MICAL3: variants seen among roughly 807,000 people sequenced by gnomAD.
MICAL3 encodes microtubule associated monooxygenase, calponin and LIM domain containing 3.
MICAL3 carries 62 observed loss-of-function variants against 207.4 expected under a neutral mutation model. The observed-to-expected ratio is 0.30, with a 90% CI of 0.24 to 0.37. The LOEUF is 0.37. MICAL3 is among the 10% of genes least tolerant of loss of function. MICAL3 has a pLI of 1.00. For missense variants in MICAL3, 2,368 were observed against 2,635.6 expected (o/e 0.90, Z 2.22); for synonymous variants, 1,077 against 1,069.3 (o/e 1.01, Z -0.14).
chr22:17,868,197 GAGA>G (rs1373844535), intron 17 of MICAL3, among the ~76,000 whole-genome samples: 3 of 152,078 alleles, frequency 2.0e-5, no homozygotes, highest in African/African-American at 7.2e-5. Flanking sequence ...TCCTCCCATG[GAGA>G]AGAACACAGT....
At chr22:17,890,852 C>T (rs9605425) in intron 12 of MICAL3, among the ~76,000 whole-genome samples, 9,330 of 152,204 alleles carry the variant, frequency 0.061, 380 homozygotes, top group African/African-American at 0.12. Context: ...TGCTGGTCCC[C>T]GCAGCTGACC....
chr22:17,818,715 C>T lies in MICAL3; in HGVS notation c.3946G>A (p.Glu1316Lys), dbSNP rs1382957373. Residue 1316 changes from glutamate to lysine, a missense_variant, in exon 26 of 32, where the codon GAG becomes AAG. Transcript: ENST00000441493. ...DRLGSPLAVD[E>K]ALRRSDLVEE... ...ACCAGGTCGCTCCGTCTGAGGGCCT[C>T]ATCCACAGCAAGGGGGCTGCCCAGT... 2.5e-6 allele frequency: 4 copies of T among 1,613,240 alleles called. No individual in the cohort carries two copies. The highest frequency in any genetic ancestry group is 3.4e-6 in the Non-Finnish European group (4 of 1,179,490).
At chr22:18,006,998 A>G (rs1923429340) in intron 1 of MICAL3, among the ~76,000 whole-genome samples, 1 of 152,126 alleles carries the variant, frequency 6.6e-6, no homozygotes, top group South Asian at 2.1e-4. Context: ...CTGAGATTAC[A>G]GGCACCCGCC....
chr22:17,877,133 T>TATGGAGGTTAGGGAAGTTATGGAGGTG (rs1928672179), intron 16 of MICAL3, among the ~76,000 whole-genome samples: 1 of 26,490 alleles, frequency 3.8e-5, no homozygotes, highest in Non-Finnish European at 9.9e-5. Context: ...TTATGGAGGT[T>TATGGAGGTTAGGGAAGTTATGGAGGTG]AGGGAGGTTA....
intron 16 of MICAL3, among the ~76,000 whole-genome samples, chr22:17,878,724 G>T (rs1929129376): frequency 6.6e-6 from 1 of 152,148 alleles, no homozygotes; most frequent in South Asian, 2.1e-4. Flanking sequence ...TTCTTTAACT[G>T]GGCATCTCGG....
At chr22:18,007,991 A>C (rs144095432) in intron 1 of MICAL3, among the ~76,000 whole-genome samples, 42 of 150,170 alleles carry the variant, frequency 2.8e-4, no homozygotes, top group African/African-American at 1.0e-3. Flanking sequence ...CTGTAATCTC[A>C]GCACTTCGGG....
chr22:17,961,676 T>C (rs1269974658), intron 1 of MICAL3, among the ~76,000 whole-genome samples: 1 of 152,068 alleles, frequency 6.6e-6, no homozygotes, highest in Non-Finnish European at 1.5e-5. Flanking sequence ...ATCTCCAACA[T>C]GGCAGGAGGT....
chr22:17,791,319 G>C lies in MICAL3; in HGVS notation c.5651-18C>G, dbSNP rs562302395. The C allele has an allele frequency of 3.6e-5, 58 of 1,606,704 alleles. 1 individual carries two copies. Among genetic ancestry groups the C allele is most frequent in the South Asian group, 3.2e-4 (29 of 90,240 alleles). On this transcript the variant is annotated intron_variant, in intron 29 of 31. Transcript: ENST00000441493. ...GCCCATGCCTGCCGAGAGAACGCTTGTGTCGGGTGCAGGGAGTGCCGCGCC... is the reference window on the plus strand; with the variant it reads ...GCCCATGCCTGCCGAGAGAACGCTTCTGTCGGGTGCAGGGAGTGCCGCGCC...
chr22:17,961,115 G>C (rs1934893514), intron 1 of MICAL3, among the ~76,000 whole-genome samples: 1 of 152,130 alleles, frequency 6.6e-6, no homozygotes, highest in Admixed American at 6.5e-5. Flanking sequence ...AGCCAATCTG[G>C]AAGTGCCTGC....
chr22:17,847,224 C>T (rs1213964502), intron 19 of MICAL3, among the ~76,000 whole-genome samples: 8 of 152,164 alleles, frequency 5.3e-5, no homozygotes, highest in African/African-American at 1.2e-4. Context: ...AGAAGGGTGT[C>T]GCGTAGGAAA....
At chr22:18,019,013 G>A (rs11704507) in intron 1 of MICAL3, among the ~76,000 whole-genome samples, 22,171 of 152,096 alleles carry the variant, frequency 0.15, 1,890 homozygotes, top group Non-Finnish European at 0.19. Context: ...AGAACATGGC[G>A]AAACCCTGTC....
At chr22:17,994,879 A>C (rs1363269931) in intron 1 of MICAL3, among the ~76,000 whole-genome samples, 1 of 152,046 alleles carries the variant, frequency 6.6e-6, no homozygotes, top group Non-Finnish European at 1.5e-5. Context: ...AGTTAACCAG[A>C]CCGAATCTCC....
chr22:17,886,603 G>A (rs1446718166), intron 15 of MICAL3, among the ~76,000 whole-genome samples: 2 of 152,062 alleles, frequency 1.3e-5, no homozygotes, highest in Non-Finnish European at 2.9e-5. Context: ...TCAGGAGTTC[G>A]AGACCAGCCT....
chr22:17,929,568 C>CTTTTTT lies in MICAL3; in HGVS notation c.-74-22688_-74-22683dup, dbSNP rs67222681. Among the ~76,000 whole-genome samples the CTTTTTT allele has an allele frequency of 5.2e-3, 571 of 108,856 alleles. 5 individuals carry two copies. The highest frequency in any genetic ancestry group is 8.0e-3 in the African/African-American group (220 of 27,648). 71.4% of individuals were successfully genotyped at this position (108,856 alleles called of 152,430 possible). Reference sequence around the variant, plus strand: ...ATTTTTCTTTCTTTCCTTTTCTTTTCTTTTTTTTTTTTTTTTTTTGACAGG... The same window carrying CTTTTTT: ...ATTTTTCTTTCTTTCCTTTTCTTTTCTTTTTTTTTTTTTTTTTTTTTTTTTGACAGG... On this transcript the variant is annotated intron_variant, in intron 1 of 31. Coordinates refer to ENST00000441493, the MANE Select transcript of MICAL3 (RefSeq NM_015241.3).
chr22:17,881,233 G>A, intron 16 of MICAL3: 1 of 1,612,650 alleles, frequency 6.2e-7, no homozygotes, highest in Non-Finnish European at 8.5e-7. Context: ...CCGACAGGGA[G>A]GTGGAGTAGG....
chr22:17,967,978 G>A (rs569031694), intron 1 of MICAL3, among the ~76,000 whole-genome samples: 1 of 152,176 alleles, frequency 6.6e-6, no homozygotes, highest in East Asian at 1.9e-4. Context: ...GGGAGGCGGA[G>A]GTTGCAGTGA....
chr22:17,849,643 A>AGTGT lies in MICAL3; in HGVS notation c.2606-7627_2606-7626insACAC, dbSNP rs1569093907. 2.1e-3 allele frequency among the ~76,000 whole-genome samples: 255 copies of AGTGT among 120,220 alleles called. 2 individuals are homozygous for AGTGT. The highest frequency in any genetic ancestry group is 3.3e-3 in the African/African-American group (103 of 30,760). 78.9% of individuals were successfully genotyped at this position (120,220 alleles called of 152,430 possible). On this transcript the variant is annotated intron_variant, in intron 19 of 31. Transcript: ENST00000441493. ...AGCCACTGTGCCTGGCCCAGAATGGAATGTGTGTGTGTGTGTGTGTGTGTG... is the reference window on the plus strand; with the variant it reads ...AGCCACTGTGCCTGGCCCAGAATGGAGTGTATGTGTGTGTGTGTGTGTGTGTGTG...
In MICAL3 at chr22:18,010,738, T is replaced by A. The variant is rs147401686; in HGVS notation, c.-75+13543A>T. Among the ~76,000 whole-genome samples, 297 of 151,860 alleles carry A rather than the reference T, an allele frequency of 2.0e-3. 1 individual carries two copies. Among genetic ancestry groups the A allele is most frequent in the African/African-American group, 6.7e-3 (277 of 41,422 alleles). ...TGCCGGGAGGTGGAGACCTGGAGGG[T>A]TAGAAAGAAGGAGAATTGAGAAGGA... On this transcript the variant is annotated intron_variant, in intron 1 of 31. Transcript: ENST00000441493.
intron 1 of MICAL3, among the ~76,000 whole-genome samples, chr22:17,953,992 A>C (rs393241): frequency 0.24 from 34,580 of 146,728 alleles, 4,811 homozygotes; most frequent in East Asian, 0.52. Flanking sequence ...AAAGAAAAGG[A>C]AGAGTTTATT....
Sources: gnomAD v4.1 joint callset for allele counts (sites outside exome capture counted in the v4.1 genomes callset) on GRCh38, gnomAD v4.1.1 for gene constraint, MANE v1.5 for transcripts, NCBI Gene and HGNC (gene_info 2026-07-23, HGNC 2026-07-21) for gene names.